Variants in TRPM6 observed in about 807,000 individuals in gnomAD.
TRPM6 encodes channel kinase 2.
A neutral mutation model predicts 247.6 loss-of-function variants in TRPM6; 111 were observed. The observed-to-expected ratio is 0.45, with a 90% CI of 0.38 to 0.52. TRPM6 has a LOEUF of 0.52. TRPM6 is among the 20% of genes least tolerant of loss of function. TRPM6 has a pLI of 0.00. For missense variants in TRPM6, 2,126 were observed against 2,421.5 expected (o/e 0.88, Z 2.56); for synonymous variants, 892 against 853.8 (o/e 1.04, Z -0.78).
chr9:74,781,061 A>G (rs187249727), intron 23 of TRPM6, among the ~76,000 whole-genome samples: 180 of 152,280 alleles, frequency 1.2e-3, no homozygotes, highest in African/African-American at 4.3e-3. Flanking sequence ...GAGTTTAAGA[A>G]AGAGAACTGG....
At chr9:74,804,110 A>G (rs1241718030) in intron 14 of TRPM6, among the ~76,000 whole-genome samples, 1 of 152,118 alleles carries the variant, frequency 6.6e-6, no homozygotes, top group Non-Finnish European at 1.5e-5. Context: ...GCATTTTGTT[A>G]TTTCCTAACA....
intron 33 of TRPM6, among the ~76,000 whole-genome samples, 188 bp downstream of exon 33, chr9:74,742,362 ATAGTATTAGCT>A (rs1825893721): frequency 6.6e-6 from 1 of 152,222 alleles, no homozygotes; most frequent in South Asian, 2.1e-4. Flanking sequence ...TCTTATTCCC[ATAGTATTAGCT>A]TTTGTCCCTG....
chr9:74,759,707 T>C (rs1826556134), intron 27 of TRPM6, among the ~76,000 whole-genome samples: 1 of 151,980 alleles, frequency 6.6e-6, no homozygotes, highest in Non-Finnish European at 1.5e-5. Flanking sequence ...TAAGTCTTAG[T>C]GATCTTGGCA....
intron 1 of TRPM6, chr9:74,887,530 G>T: frequency 8.8e-7 from 1 of 1,133,496 alleles, no homozygotes; most frequent in Non-Finnish European, 1.3e-6. Context: ...CTGAACCCCC[G>T]ACCCCCGCTA....
At chr9:74,872,629 C>T (rs76714758) in intron 1 of TRPM6, among the ~76,000 whole-genome samples, 1,143 of 102,620 alleles carry the variant, frequency 0.011, 10 homozygotes, top group African/African-American at 0.047. Context: ...TGTGTGCATG[C>T]GCGCACGTGT....
chr9:74,793,770 T>C (rs759792476), intron 18 of TRPM6, among the ~76,000 whole-genome samples: 9 of 152,276 alleles, frequency 5.9e-5, no homozygotes, highest in African/African-American at 1.9e-4. Flanking sequence ...GCTTCCAGAG[T>C]TCCTTGAACA....
intron 1 of TRPM6, among the ~76,000 whole-genome samples, chr9:74,875,556 T>A (rs980432689): frequency 3.3e-5 from 5 of 151,426 alleles, no homozygotes; most frequent in South Asian, 2.1e-4. Context: ...AAATTAAAAA[T>A]AATAATAATA....
In TRPM6 at chr9:74,744,327, A is replaced by C. The variant is rs956948129; in HGVS notation, c.5084-182T>G. ...GCGCATGGTATCCTGACAGCTTCCA[A>C]TCATCAATGTAATATCTCCAAACAT... is the stretch of plus-strand genomic sequence containing the variant. On this transcript the variant is annotated intron_variant, in intron 31 of 38. Transcript: ENST00000360774. The C allele has an allele frequency of 1.6e-5, 11 of 671,264 alleles. No individual in the cohort carries two copies. The East Asian group carries it at 2.4e-4, about 15-fold the overall frequency. The allele number at this position is 671,264 out of a possible 1,614,324, so 41.6% of individuals were successfully genotyped here.
At position 74,754,449 on chromosome 9, in the gene TRPM6, T is replaced by G. The variant is rs537402105; in HGVS notation, c.4906+904A>C. Among the ~76,000 whole-genome samples, 3 of 152,312 alleles carry G rather than the reference T, an allele frequency of 2.0e-5. No homozygotes were observed. The South Asian group carries it at 6.2e-4, about 32-fold the overall frequency. On this transcript the variant is annotated intron_variant, in intron 28 of 38. Coordinates refer to ENST00000360774, the MANE Select transcript of TRPM6 (RefSeq NM_017662.5). Reference sequence around the variant, plus strand: ...GATGTTTAACAGCATCCCTGGCCTCTACTCACTAGGTGGCAAGAGCATTCC... The same window carrying G: ...GATGTTTAACAGCATCCCTGGCCTCGACTCACTAGGTGGCAAGAGCATTCC...
chr9:74,739,812 C>T lies in TRPM6; in HGVS notation c.5398G>A (p.Val1800Ile), dbSNP rs1248843040. The T allele has an allele frequency of 5.0e-6, 8 of 1,614,038 alleles. No homozygotes were observed. Among genetic ancestry groups the T allele is most frequent in the Non-Finnish European group, 6.8e-6 (8 of 1,180,040 alleles). Reference sequence around the variant, plus strand: ...GGAAGAAAGGACTTGACAATGAAAACTTGTCCCGGCTTGAGAATGTCATCC... The same window carrying T: ...GGAAGAAAGGACTTGACAATGAAAATTTGTCCCGGCTTGAGAATGTCATCC... Reference protein sequence around the residue: ...SEDDILKPGQVFIVKSFLPEV... With the variant: ...SEDDILKPGQIFIVKSFLPEV... The change falls in exon 34 of 39, where the codon GTT becomes ATT. Residue 1800 changes from valine to isoleucine, a missense_variant. Around this residue, in one of 3 missense-constraint regions of TRPM6, gnomAD observed 327 missense variants for 397.7 expected, o/e 0.82. Transcript: ENST00000360774.
chr9:74,798,818 C>T (rs908929507), intron 17 of TRPM6, among the ~76,000 whole-genome samples: 2 of 152,186 alleles, frequency 1.3e-5, no homozygotes, highest in Non-Finnish European at 2.9e-5. Flanking sequence ...TATTAACTCA[C>T]TCTATCTTTT....
chr9:74,762,671 T>C lies in TRPM6; in HGVS notation c.4000A>G (p.Asn1334Asp). 6.2e-7 allele frequency: 1 copy of C among 1,614,174 alleles called. No homozygotes were observed. The highest frequency in any genetic ancestry group is 8.5e-7 in the Non-Finnish European group (1 of 1,180,018). ...SSIVVSGVSP[N>D]RQAHSKYGQF... ...CCATACTTTGAGTGTGCTTGCCTGT[T>C]AGGAGACACCCCAGAAACCACTATA... The change falls in exon 26 of 39, where the codon AAC becomes GAC. Residue 1334 changes from asparagine (N) to aspartate (D), a missense_variant. Physicochemically the swap from Asn to Asp is conservative, Grantham distance 23. Around this residue, in one of 3 missense-constraint regions of TRPM6, gnomAD observed 717 missense variants for 715.9 expected, o/e 1.00. Coordinates refer to ENST00000360774, the MANE Select transcript of TRPM6 (RefSeq NM_017662.5).
At chr9:74,876,339 CT>C (rs1351212116) in intron 1 of TRPM6, among the ~76,000 whole-genome samples, 1 of 152,226 alleles carries the variant, frequency 6.6e-6, no homozygotes, top group South Asian at 2.1e-4. Context: ...CCACCTCAGC[CT>C]CCCAAGTGCT....
chr9:74,821,958 CCT>C, intron 7 of TRPM6, 121 bp from the exon 8 acceptor site: 3 of 1,145,740 alleles, frequency 2.6e-6, no homozygotes, highest in South Asian at 2.6e-5. Flanking sequence ...CACACTGGCC[CCT>C]CTCTCATTTT....
intron 23 of TRPM6, among the ~76,000 whole-genome samples, chr9:74,781,281 A>T (rs528775620): frequency 1.1e-3 from 161 of 152,198 alleles, no homozygotes; most frequent in African/African-American, 3.7e-3. Context: ...CACTCCTATA[A>T]TCCCAGCACT....
rs1294256324 is a variant in TRPM6, at chr9:74,724,096, ATTGT to A, written c.*513_*516del. On this transcript the variant is annotated 3_prime_UTR_variant, in exon 39 of 39. Coordinates refer to ENST00000360774, the MANE Select transcript of TRPM6 (RefSeq NM_017662.5). ...ATCTGTGCAAACCCACCCTTGTTCC[ATTGT>A]TTTTCCTATCATTGCTATTCAAAGT... is the stretch of plus-strand genomic sequence containing the variant. 1 of 171,546 alleles carries A rather than the reference ATTGT, an allele frequency of 5.8e-6. No individual in the cohort carries two copies. The highest frequency in any genetic ancestry group is 1.3e-5 in the Non-Finnish European group (1 of 79,190). The allele number at this position is 171,546 out of a possible 1,614,324, so 10.6% of individuals were successfully genotyped here.
chr9:74,773,666 T>C (rs1827123631), intron 24 of TRPM6, among the ~76,000 whole-genome samples: 2 of 152,260 alleles, frequency 1.3e-5, no homozygotes, highest in South Asian at 2.1e-4. Flanking sequence ...CTTTCTTGAA[T>C]GGTTTTGCTT....
At chr9:74,831,348 G>C (rs1829539931) in intron 6 of TRPM6, among the ~76,000 whole-genome samples, 1 of 152,094 alleles carries the variant, frequency 6.6e-6, no homozygotes. Context: ...AAATTAGCTG[G>C]GTGTGGTAGC....
At chr9:74,853,909 G>A (rs373158661) in intron 3 of TRPM6, among the ~76,000 whole-genome samples, 9 of 152,006 alleles carry the variant, frequency 5.9e-5, no homozygotes, top group East Asian at 3.9e-4. Flanking sequence ...GTTTTGAAAA[G>A]TAAAAACAAT....
Sources: gnomAD v4.1 joint callset for allele counts (sites outside exome capture counted in the v4.1 genomes callset) on GRCh38, gnomAD v4.1.1 for gene constraint, gnomAD v4.1.1 regional missense constraint, MANE v1.5 for transcripts, NCBI Gene and HGNC (gene_info 2026-07-23, HGNC 2026-07-21) for gene names.